Variants in ASTN1 observed in about 807,000 individuals in gnomAD.
ASTN1 encodes astrotactin-1.
In ASTN1, 41 loss-of-function variants were observed where a neutral mutation model predicts 140.7. The ratio of observed to expected loss-of-function variants is 0.29; its 90% CI spans 0.23 to 0.38. The LOEUF is 0.38. Among genes scored for constraint, ASTN1 ranks in the 10% least tolerant of loss-of-function variants. The pLI is 1.00. For synonymous variants in ASTN1, 640 were observed against 652.2 expected, an observed-to-expected ratio of 0.98 and a Z score of 0.29; for missense variants, 1,479 against 1,678.8, an observed-to-expected ratio of 0.88 and a Z score of 2.08.
intron 16 of ASTN1, among the ~76,000 whole-genome samples, chr1:176,908,132 AACACACAC>A (rs10669124): frequency 7.4e-5 from 11 of 149,620 alleles, no homozygotes; most frequent in Admixed American, 2.0e-4. Context: ...TCTCTTATGC[AACACACAC>A]ACACACACAC....
chr1:177,097,295 A>T (rs1680072565), intron 1 of ASTN1, among the ~76,000 whole-genome samples: 1 of 152,120 alleles, frequency 6.6e-6, no homozygotes. Context: ...CAACTGCCAA[A>T]TGCCTTCACT....
chr1:176,942,883 C>G (rs1303293117), intron 14 of ASTN1, among the ~76,000 whole-genome samples: 1 of 104,688 alleles, frequency 9.6e-6, no homozygotes, highest in African/African-American at 3.3e-5. Flanking sequence ...TGTCTCATGT[C>G]TCCTTAAAAT....
intron 1 of ASTN1, among the ~76,000 whole-genome samples, chr1:177,131,980 C>T (rs1176232540): frequency 6.6e-6 from 1 of 152,142 alleles, no homozygotes; most frequent in African/African-American, 2.4e-5. Context: ...CCCCAAGACC[C>T]AAACACCTCC....
intron 16 of ASTN1, among the ~76,000 whole-genome samples, chr1:176,927,137 T>C (rs1237754183): frequency 6.6e-6 from 1 of 152,222 alleles, no homozygotes; most frequent in African/African-American, 2.4e-5. Flanking sequence ...CCTTAGAGGA[T>C]GAACTCTCAG....
At chr1:177,075,274 A>G (rs971732711) in intron 1 of ASTN1, among the ~76,000 whole-genome samples, 1 of 152,022 alleles carries the variant, frequency 6.6e-6, no homozygotes, top group African/African-American at 2.4e-5. Flanking sequence ...GGGTTTCACC[A>G]TGTTGGTCAG....
intron 7 of ASTN1, among the ~76,000 whole-genome samples, chr1:177,020,595 A>G (rs1675775031): frequency 6.6e-6 from 1 of 152,222 alleles, no homozygotes; most frequent in Admixed American, 6.5e-5. Context: ...TTTTAAAGCC[A>G]GTTGTTTAGC....
intron 16 of ASTN1, among the ~76,000 whole-genome samples, chr1:176,897,462 G>A (rs1296084722): frequency 3.3e-5 from 5 of 151,984 alleles, no homozygotes; most frequent in Admixed American, 1.3e-4. Context: ...TTTCCTAACT[G>A]ACCCGCAGCC....
chr1:176,976,664 G>A (rs933057325), intron 8 of ASTN1: 1 of 152,214 alleles, frequency 6.6e-6, no homozygotes, highest in Non-Finnish European at 1.5e-5. Context: ...TCTGTAAAAT[G>A]GTGATAATAG....
At chr1:177,017,804 GTA>G (rs1675634043) in intron 7 of ASTN1, among the ~76,000 whole-genome samples, 1 of 152,190 alleles carries the variant, frequency 6.6e-6, no homozygotes, top group Non-Finnish European at 1.5e-5. Flanking sequence ...TCTGTGCTTG[GTA>G]CCCTGACAGT....
chr1:177,149,134 GCA>G (rs1491560729), intron 1 of ASTN1, among the ~76,000 whole-genome samples: 4 of 125,788 alleles, frequency 3.2e-5, no homozygotes, highest in African/African-American at 9.3e-5. Context: ...TATATATAGT[GCA>G]TATATATAGT....
Position 177,061,223 on chromosome 1 carries a change from C to G in ASTN1, c.326G>C (p.Arg109Thr). 6.3e-7 allele frequency: 1 copy of G among 1,599,732 alleles called. No homozygotes were observed. The highest frequency in any genetic ancestry group is 8.5e-7 in the Non-Finnish European group (1 of 1,173,166). The change falls in exon 2 of 23, where the codon AGG becomes ACG. Residue 109 changes from arginine (R) to threonine (T), a missense_variant. Around this residue, in one of 3 missense-constraint regions of ASTN1, gnomAD observed 729 missense variants for 860.4 expected, o/e 0.85. Coordinates refer to ENST00000361833, the MANE Select transcript of ASTN1 (RefSeq NM_004319.3). ...AGTGCCATTCTCCAGCCACTGCTGCCTCCAGCGCACCAAAGGGATATCCTC... is the reference window on the plus strand; with the variant it reads ...AGTGCCATTCTCCAGCCACTGCTGCGTCCAGCGCACCAAAGGGATATCCTC... ...NTEDIPLVRW[R>T]QQWLENGTLL... is the part of the protein sequence containing the mutation.
At chr1:177,015,915 ATT>A (rs1267737359) in intron 7 of ASTN1, among the ~76,000 whole-genome samples, 1 of 152,236 alleles carries the variant, frequency 6.6e-6, no homozygotes, top group Non-Finnish European at 1.5e-5. Flanking sequence ...TGTCTGCTTA[ATT>A]TATACCTTGT....
intron 1 of ASTN1, among the ~76,000 whole-genome samples, chr1:177,092,728 T>C (rs773930692): frequency 1.3e-5 from 2 of 152,186 alleles, no homozygotes; most frequent in Non-Finnish European, 2.9e-5. Context: ...ATAGGCAGTT[T>C]GCAGTTGTCC....
At chr1:176,911,671 C>T (rs1390527255) in intron 16 of ASTN1, among the ~76,000 whole-genome samples, 3 of 152,144 alleles carry the variant, frequency 2.0e-5, no homozygotes, top group Non-Finnish European at 4.4e-5. Flanking sequence ...TTGGAGCTGT[C>T]ATCTCCTGAA....
chr1:176,999,703 C>T (rs1010306175), intron 8 of ASTN1, among the ~76,000 whole-genome samples: 2 of 151,954 alleles, frequency 1.3e-5, no homozygotes, highest in Non-Finnish European at 2.9e-5. Context: ...ACACACATGT[C>T]AGTATGGGGA....
chr1:177,116,568 C>CA (rs1397547440), intron 1 of ASTN1, among the ~76,000 whole-genome samples: 1 of 152,062 alleles, frequency 6.6e-6, no homozygotes, highest in African/African-American at 2.4e-5. Context: ...CCTTCATTGC[C>CA]AAACTTCTTA....
At chr1:176,887,996 C>A (rs1669107836) in intron 18 of ASTN1, 75 bp downstream of exon 18, 3 of 1,591,896 alleles carry the variant, frequency 1.9e-6, no homozygotes, top group Non-Finnish European at 2.6e-6. Context: ...CAGTACCCAG[C>A]CTATTTCTTT....
At chr1:177,055,158 T>C (rs1330865614) in intron 2 of ASTN1, among the ~76,000 whole-genome samples, 1 of 152,162 alleles carries the variant, frequency 6.6e-6, no homozygotes, top group Non-Finnish European at 1.5e-5. Context: ...TTACCTAAAG[T>C]GGTAAAGCCA....
At chr1:177,140,994 A>G (rs1682444214) in intron 1 of ASTN1, among the ~76,000 whole-genome samples, 1 of 152,228 alleles carries the variant, frequency 6.6e-6, no homozygotes, top group Non-Finnish European at 1.5e-5. Flanking sequence ...AGGCGGGCAG[A>G]TCACAAGGTC....
Sources: allele counts gnomAD v4.1 joint callset (sites outside exome capture counted in the v4.1 genomes callset), GRCh38; gene constraint gnomAD v4.1.1; regional missense constraint gnomAD v4.1.1; transcripts MANE v1.5; gene names NCBI Gene and HGNC (gene_info 2026-07-23, HGNC 2026-07-21).